PCDH15: variants seen among roughly 807,000 people sequenced by gnomAD.
PCDH15 encodes protocadherin related 15, also known as protocadherin-15.
A neutral mutation model predicts 178.5 loss-of-function variants in PCDH15; 129 were observed. That is an observed-to-expected ratio of 0.72 (90% confidence interval 0.63 to 0.84). PCDH15 has a LOEUF of 0.84. PCDH15 is among the 40% of genes least tolerant of loss of function. PCDH15 has a pLI of 0.00. For missense variants in PCDH15, 2,230 were observed against 2,099.9 expected (o/e 1.06, Z -1.21); for synonymous variants, 800 against 732.0 (o/e 1.09, Z -1.50).
chr10:54,880,195 T>C (rs1954236128), intron 3 of PCDH15, among the ~76,000 whole-genome samples: 1 of 152,178 alleles, frequency 6.6e-6, no homozygotes, highest in Non-Finnish European at 1.5e-5. Context: ...ACGATTTCCT[T>C]GGCTTCCTTA....
At chr10:55,062,416 G>A (rs1315814893) in intron 2 of PCDH15, among the ~76,000 whole-genome samples, 1 of 152,124 alleles carries the variant, frequency 6.6e-6, no homozygotes, top group East Asian at 1.9e-4. Context: ...TTTTGTTATA[G>A]CCATCAGAAT....
chr10:54,992,904 G>A (rs1409831403), intron 2 of PCDH15, among the ~76,000 whole-genome samples: 4 of 151,950 alleles, frequency 2.6e-5, no homozygotes, highest in South Asian at 2.1e-4. Flanking sequence ...CTTATCACAC[G>A]ACCTTATTTT....
At chr10:55,383,008 C>T (rs1419009581) in intron 2 of PCDH15, among the ~76,000 whole-genome samples, 1 of 152,136 alleles carries the variant, frequency 6.6e-6, no homozygotes, top group Non-Finnish European at 1.5e-5. Flanking sequence ...GGGTGACAGC[C>T]TTTTACATAC....
intron 2 of PCDH15, among the ~76,000 whole-genome samples, chr10:55,422,546 C>A (rs1026864025): frequency 4.6e-5 from 7 of 151,826 alleles, no homozygotes; most frequent in Non-Finnish European, 8.8e-5. Flanking sequence ...CTTCCTCTAA[C>A]CTGCAGAACA....
intron 26 of PCDH15, among the ~76,000 whole-genome samples, chr10:53,888,701 A>ATATATATATATATATC (rs1201972068): frequency 3.7e-5 from 1 of 26,806 alleles, no homozygotes; most frequent in African/African-American, 8.1e-5. Flanking sequence ...ATATATATAT[A>ATATATATATATATATC]TATCTCCTGT....
At chr10:54,598,816 G>A (rs1442538135) in intron 2 of PCDH15, among the ~76,000 whole-genome samples, 1 of 151,876 alleles carries the variant, frequency 6.6e-6, no homozygotes, top group Non-Finnish European at 1.5e-5. Context: ...GACTACCATT[G>A]CTATACATCA....
At chr10:54,344,426 T>C (rs1942851211) in intron 6 of PCDH15, among the ~76,000 whole-genome samples, 1 of 152,108 alleles carries the variant, frequency 6.6e-6, no homozygotes, top group African/African-American at 2.4e-5. Context: ...TTAAGCCTTA[T>C]TAACTGTCTA....
chr10:54,278,264 T>C (rs921749997), intron 8 of PCDH15, among the ~76,000 whole-genome samples: 1 of 151,570 alleles, frequency 6.6e-6, no homozygotes, highest in African/African-American at 2.4e-5. Context: ...CAATTTATAC[T>C]CACCCTCAAT....
intron 2 of PCDH15, among the ~76,000 whole-genome samples, chr10:55,495,334 G>C (rs1028197664): frequency 6.6e-6 from 1 of 151,586 alleles, no homozygotes; most frequent in African/African-American, 2.4e-5. Context: ...GAAAAATACA[G>C]AATGGAAAAA....
intron 3 of PCDH15, among the ~76,000 whole-genome samples, chr10:54,892,579 T>A (rs563385993): frequency 6.6e-6 from 1 of 150,986 alleles, no homozygotes; most frequent in South Asian, 2.1e-4. Flanking sequence ...TGTCACCAAA[T>A]TAGGGAAATT....
rs919592983 is a variant in PCDH15, at chr10:54,346,565, C to A, written c.475-81G>T. On this transcript the variant is annotated intron_variant, in intron 5 of 37. Coordinates refer to ENST00000644397, the MANE Select transcript of PCDH15 (RefSeq NM_001384140.1). Reference sequence around the variant, plus strand: ...AAATGTTACAGCATAAAAATCAGCTCTTTATTACCTAAAGGAAGATACCAG... The same window carrying A: ...AAATGTTACAGCATAAAAATCAGCTATTTATTACCTAAAGGAAGATACCAG... 9.2e-6 allele frequency: 14 copies of A among 1,525,926 alleles called. No individual in the cohort carries two copies. In the Middle Eastern group the frequency reaches 5.1e-4, roughly 56 times the overall value. The allele number at this position is 1,525,926 out of a possible 1,614,324, so 94.5% of individuals were successfully genotyped here. A position where few individuals can be genotyped will look rare whatever the true frequency, so the allele number is the denominator to read the frequency against.
At chr10:53,990,588 T>C (rs1421531992) in intron 21 of PCDH15, among the ~76,000 whole-genome samples, 1 of 150,018 alleles carries the variant, frequency 6.7e-6, no homozygotes, top group Non-Finnish European at 1.5e-5. Context: ...GTTATATATA[T>C]ATGTTATATA....
chr10:54,219,337 T>C (rs192683211), intron 9 of PCDH15, among the ~76,000 whole-genome samples: 2 of 142,064 alleles, frequency 1.4e-5, no homozygotes, highest in Non-Finnish European at 3.0e-5. Context: ...ATGCCTGTAA[T>C]CTCAGCACTC....
intron 1 of PCDH15, among the ~76,000 whole-genome samples, chr10:55,250,534 C>CTTTTTT (rs777000807): frequency 5.6e-5 from 6 of 107,970 alleles, no homozygotes; most frequent in Non-Finnish European, 9.1e-5. Context: ...TAAATAAATT[C>CTTTTTT]TTTTTTTTTT....
At chr10:55,063,708 A>G (rs1038735914) in intron 2 of PCDH15, among the ~76,000 whole-genome samples, 1 of 152,208 alleles carries the variant, frequency 6.6e-6, no homozygotes, top group Admixed American at 6.6e-5. Flanking sequence ...TCACATTAAC[A>G]GTATTCAAAT....
chr10:55,018,351 T>C (rs1160227146), intron 2 of PCDH15, among the ~76,000 whole-genome samples: 1 of 152,100 alleles, frequency 6.6e-6, no homozygotes. Context: ...TGATGTTGTA[T>C]TTGCACCTAA....
intron 28 of PCDH15, among the ~76,000 whole-genome samples, chr10:53,848,069 A>G (rs2078097099): frequency 6.6e-6 from 1 of 152,074 alleles, no homozygotes; most frequent in Non-Finnish European, 1.5e-5. Context: ...ACTGCGGTAA[A>G]TTGTGAATAA....
At chr10:54,138,564 G>T (rs553547659) in intron 14 of PCDH15, among the ~76,000 whole-genome samples, 1 of 152,276 alleles carries the variant, frequency 6.6e-6, no homozygotes, top group Non-Finnish European at 1.5e-5. Context: ...GAATGGGAAA[G>T]CATGACAGAG....
chr10:55,243,340 G>C (rs1841603322), intron 1 of PCDH15, among the ~76,000 whole-genome samples: 1 of 152,154 alleles, frequency 6.6e-6, no homozygotes, highest in Non-Finnish European at 1.5e-5. Context: ...GGCAAAAGGA[G>C]ACTCTACTGA....
Sources: allele counts gnomAD v4.1 joint callset (sites outside exome capture counted in the v4.1 genomes callset), GRCh38; gene constraint gnomAD v4.1.1; transcripts MANE v1.5; gene names NCBI Gene and HGNC (gene_info 2026-07-23, HGNC 2026-07-21).